The following OTUD7A variants were observed in gnomAD, a reference collection of about 807,000 sequenced individuals.
OTUD7A encodes OTU domain-containing protein 7A.
OTUD7A carries 12 observed loss-of-function variants against 65.7 expected under a neutral mutation model. That is an observed-to-expected ratio of 0.18 (90% CI 0.12 to 0.30). The LOEUF is 0.30. Among genes scored for constraint, OTUD7A ranks in the 10% least tolerant of loss-of-function variants. The probability of loss-of-function intolerance (pLI) is 1.00; values close to 1 mark genes in which losing one functional copy is unlikely to be tolerated. For synonymous variants in OTUD7A, 641 were observed against 586.3 expected (o/e 1.09, Z -1.35); for missense variants, 1,148 against 1,304.8 (o/e 0.88, Z 1.85).
At chr15:31,578,768 T>A (rs1889283071) in intron 3 of OTUD7A, among the ~76,000 whole-genome samples, 1 of 152,184 alleles carries the variant, frequency 6.6e-6, no homozygotes. Context: ...GTCAGGCTGG[T>A]CTCAAACTCC....
chr15:31,686,681 A>G (rs1892844272), intron 1 of OTUD7A, among the ~76,000 whole-genome samples: 1 of 152,236 alleles, frequency 6.6e-6, no homozygotes, highest in Non-Finnish European at 1.5e-5. Context: ...GGAGCCCACC[A>G]GAAGAGTCCT....
chr15:31,764,866 G>A (rs1264813068), intron 1 of OTUD7A, among the ~76,000 whole-genome samples: 2 of 152,120 alleles, frequency 1.3e-5, no homozygotes, highest in Admixed American at 1.3e-4. Context: ...CATCATAGAA[G>A]TCAGTCTTTA....
At chr15:31,767,156 C>T in intron 1 of OTUD7A, 1 of 1,363,516 alleles carries the variant, frequency 7.3e-7, no homozygotes, top group Non-Finnish European at 1.0e-6. Flanking sequence ...GAAGGCGGCA[C>T]TCAGTTGATT....
intron 8 of OTUD7A, among the ~76,000 whole-genome samples, chr15:31,521,140 T>A (rs941404732): frequency 2.0e-5 from 3 of 152,196 alleles, no homozygotes; most frequent in Non-Finnish European, 4.4e-5. Context: ...GCCGGAGGGT[T>A]CGCGGGGGTG....
At chr15:31,740,580 G>A (rs181140947) in intron 1 of OTUD7A, among the ~76,000 whole-genome samples, 3 of 152,074 alleles carry the variant, frequency 2.0e-5, no homozygotes, top group Admixed American at 2.0e-4. Flanking sequence ...AATGTATTTT[G>A]AAAAATTGGT....
At chr15:31,812,823 C>T (rs1208749216) in intron 1 of OTUD7A, among the ~76,000 whole-genome samples, 5 of 152,320 alleles carry the variant, frequency 3.3e-5, no homozygotes, top group Non-Finnish European at 5.9e-5. Context: ...GTCCAAGCCA[C>T]ACACCCCAAG....
At chr15:31,538,324 C>T (rs1307668394) in intron 5 of OTUD7A, among the ~76,000 whole-genome samples, 1 of 152,168 alleles carries the variant, frequency 6.6e-6, no homozygotes, top group East Asian at 1.9e-4. Flanking sequence ...GCCAGCCCTG[C>T]CATGAACATC....
At chr15:31,647,187 A>T (rs949473308) in intron 3 of OTUD7A, among the ~76,000 whole-genome samples, 1 of 151,202 alleles carries the variant, frequency 6.6e-6, no homozygotes, top group Non-Finnish European at 1.5e-5. Flanking sequence ...GCCAAGGGCC[A>T]TCACACCTTG....
chr15:31,597,318 T>TG (rs1002691270), intron 3 of OTUD7A, among the ~76,000 whole-genome samples: 10 of 152,310 alleles, frequency 6.6e-5, no homozygotes, highest in African/African-American at 2.2e-4. Flanking sequence ...AGCCCTTTTT[T>TG]GGCCTCTCTA....
intron 1 of OTUD7A, among the ~76,000 whole-genome samples, chr15:31,816,058 GAA>G (rs1190185120): frequency 6.6e-6 from 1 of 152,136 alleles, no homozygotes; most frequent in Non-Finnish European, 1.5e-5. Flanking sequence ...TGGCCTCCAG[GAA>G]AAAAACCACT....
intron 3 of OTUD7A, among the ~76,000 whole-genome samples, chr15:31,619,255 C>A (rs1432750853): frequency 3.3e-5 from 5 of 152,084 alleles, no homozygotes; most frequent in African/African-American, 9.7e-5. Flanking sequence ...CTTGGCAATG[C>A]GGGCTCTTTT....
chr15:31,846,840 G>A (rs778800697), intron 1 of OTUD7A, among the ~76,000 whole-genome samples: 3 of 152,172 alleles, frequency 2.0e-5, no homozygotes, highest in Admixed American at 1.3e-4. Flanking sequence ...CTTCTCCAAC[G>A]AGTAGGTATT....
intron 1 of OTUD7A, among the ~76,000 whole-genome samples, chr15:31,670,034 C>T (rs1235268555): frequency 1.4e-5 from 2 of 144,584 alleles, no homozygotes; most frequent in East Asian, 2.0e-4. Flanking sequence ...CTGCTTCCTT[C>T]AGAGGGTCTG....
At chr15:31,738,031 G>A (rs1894240603) in intron 1 of OTUD7A, among the ~76,000 whole-genome samples, 1 of 152,162 alleles carries the variant, frequency 6.6e-6, no homozygotes, top group African/African-American at 2.4e-5. Context: ...ACATTTTTTA[G>A]CTTCTTTTCA....
At chr15:31,692,997 T>C (rs1892991878) in intron 1 of OTUD7A, among the ~76,000 whole-genome samples, 1 of 151,798 alleles carries the variant, frequency 6.6e-6, no homozygotes, top group Admixed American at 6.5e-5. Context: ...TCCTAAAAGC[T>C]TCAAGAGAAG....
At chr15:31,744,301 T>C (rs1274600153) in intron 1 of OTUD7A, among the ~76,000 whole-genome samples, 1 of 151,974 alleles carries the variant, frequency 6.6e-6, no homozygotes, top group African/African-American at 2.4e-5. Context: ...AAGAAGAATG[T>C]GAAAAGAAAA....
chr15:31,653,745 C>T (rs1891908993), intron 3 of OTUD7A, among the ~76,000 whole-genome samples: 1 of 151,366 alleles, frequency 6.6e-6, no homozygotes, highest in Admixed American at 6.6e-5. Flanking sequence ...CTCAATTTTT[C>T]TGTATCTTAA....
intron 1 of OTUD7A, among the ~76,000 whole-genome samples, chr15:31,814,133 T>C (rs995610168): frequency 3.9e-5 from 6 of 152,258 alleles, no homozygotes; most frequent in Admixed American, 2.0e-4. Flanking sequence ...AATTATGCAC[T>C]ATAATCAGCC....
chr15:31,506,097 AT>A (rs1320917844), intron 8 of OTUD7A, among the ~76,000 whole-genome samples: 2 of 151,648 alleles, frequency 1.3e-5, no homozygotes, highest in African/African-American at 4.9e-5. Context: ...AGGGTTATTT[AT>A]TTTAGAATTT....
Sources: allele counts gnomAD v4.1 joint callset (sites outside exome capture counted in the v4.1 genomes callset), GRCh38; gene constraint gnomAD v4.1.1; transcripts MANE v1.5; gene names NCBI Gene and HGNC (gene_info 2026-07-23, HGNC 2026-07-21).